Variants in ADAMTSL3 observed in about 807,000 individuals in gnomAD.
ADAMTSL3 encodes ADAMTS like 3.
Under a neutral mutation model 201.7 loss-of-function variants are expected in ADAMTSL3, and 128 were observed. The ratio of observed to expected loss-of-function variants is 0.63; its 90% CI spans 0.55 to 0.73. The LOEUF is 0.73. Among genes scored for constraint, ADAMTSL3 ranks in the 30% least tolerant of loss-of-function variants. ADAMTSL3 has a pLI of 0.00. For missense variants in ADAMTSL3, 1,990 were observed against 2,119.6 expected (o/e 0.94, Z 1.20); for synonymous variants, 738 against 748.4 (o/e 0.99, Z 0.23).
At chr15:83,807,147 T>C (rs2063613337) in intron 5 of ADAMTSL3, among the ~76,000 whole-genome samples, 1 of 152,154 alleles carries the variant, frequency 6.6e-6, no homozygotes, top group Non-Finnish European at 1.5e-5. Flanking sequence ...TAAAAGATCT[T>C]TGCATTAAAA....
chr15:83,668,287 A>T (rs2061276986), intron 2 of ADAMTSL3, among the ~76,000 whole-genome samples: 1 of 123,536 alleles, frequency 8.1e-6, no homozygotes, highest in African/African-American at 3.6e-5. Context: ...AATTAAGGAA[A>T]ACTTTTCTCA....
At chr15:84,016,237 A>C in intron 24 of ADAMTSL3, 146 bp from the exon 25 acceptor site, 1 of 634,930 alleles carries the variant, frequency 1.6e-6, no homozygotes. Context: ...CACCTCCCAG[A>C]CCTGTGGTCA....
chr15:83,850,365 C>T (rs1489655776), intron 7 of ADAMTSL3, among the ~76,000 whole-genome samples: 1 of 151,424 alleles, frequency 6.6e-6, no homozygotes, highest in African/African-American at 2.4e-5. Context: ...GGGTCTCTTC[C>T]CATCTTAAAT....
intron 21 of ADAMTSL3, among the ~76,000 whole-genome samples, chr15:83,987,613 G>T (rs771483097): frequency 6.6e-6 from 1 of 152,154 alleles, no homozygotes; most frequent in Non-Finnish European, 1.5e-5. Context: ...GGACTCAGTG[G>T]GCGGGTCTGA....
intron 7 of ADAMTSL3, among the ~76,000 whole-genome samples, chr15:83,854,379 A>T (rs1157158837): frequency 6.6e-6 from 1 of 152,186 alleles, no homozygotes; most frequent in Non-Finnish European, 1.5e-5. Context: ...AATTCCTGTG[A>T]ATTGATCAGC....
At chr15:83,832,779 A>G (rs1277074809) in intron 6 of ADAMTSL3, among the ~76,000 whole-genome samples, 1 of 152,156 alleles carries the variant, frequency 6.6e-6, no homozygotes, top group East Asian at 1.9e-4. Flanking sequence ...TTAAATGAAC[A>G]TGTCACAGTG....
chr15:83,988,867 T>TTA, intron 22 of ADAMTSL3, 49 bp downstream of exon 22: 1 of 1,048,486 alleles, frequency 9.5e-7, no homozygotes, highest in Non-Finnish European at 1.2e-6. Context: ...TATTTTTTAT[T>TTA]TTTATTTATT....
At chr15:83,930,254 G>A (rs1409596474) in intron 17 of ADAMTSL3, among the ~76,000 whole-genome samples, 1 of 152,104 alleles carries the variant, frequency 6.6e-6, no homozygotes, top group Non-Finnish European at 1.5e-5. Flanking sequence ...GTGCTTTCAG[G>A]TTGCATTTTT....
intron 4 of ADAMTSL3, among the ~76,000 whole-genome samples, chr15:83,778,856 C>T (rs555101702): frequency 6.6e-6 from 1 of 152,162 alleles, no homozygotes; most frequent in African/African-American, 2.4e-5. Context: ...CATTGGTATG[C>T]TTGTCTTCAA....
chr15:83,949,154 GCCCAACTACCCTA>G (rs149244183), intron 19 of ADAMTSL3, among the ~76,000 whole-genome samples: 2,756 of 151,984 alleles, frequency 0.018, 87 homozygotes, highest in African/African-American at 0.063. Flanking sequence ...CCACATCCCT[GCCCAACTACCCTA>G]CCCAGCCTTT....
intron 2 of ADAMTSL3, among the ~76,000 whole-genome samples, chr15:83,694,790 T>C (rs4843152): frequency 0.86 from 130,281 of 152,220 alleles, 56,284 homozygotes; most frequent in East Asian, 0.96. Flanking sequence ...GGGGAGAGGG[T>C]CAACCTGGGC....
At chr15:83,999,944 A>G (rs1339165979) in intron 23 of ADAMTSL3, among the ~76,000 whole-genome samples, 1 of 152,112 alleles carries the variant, frequency 6.6e-6, no homozygotes, top group Non-Finnish European at 1.5e-5. Context: ...ATTCCTAAAC[A>G]TGGTCTCATT....
intron 9 of ADAMTSL3, among the ~76,000 whole-genome samples, chr15:83,875,888 G>T (rs775618128): frequency 6.6e-6 from 1 of 152,198 alleles, no homozygotes; most frequent in Non-Finnish European, 1.5e-5. Context: ...TCTGTAGACT[G>T]GAAAGGAGAA....
intron 3 of ADAMTSL3, among the ~76,000 whole-genome samples, chr15:83,765,820 T>A (rs1045217072): frequency 6.6e-6 from 1 of 152,232 alleles, no homozygotes; most frequent in African/African-American, 2.4e-5. Context: ...GCATACTGCT[T>A]CTTTGGAAGT....
At chr15:83,954,377 G>C (rs1267419960) in intron 19 of ADAMTSL3, among the ~76,000 whole-genome samples, 1 of 151,996 alleles carries the variant, frequency 6.6e-6, no homozygotes, top group Non-Finnish European at 1.5e-5. Context: ...ATTTCTGCTT[G>C]ATTTTAAAAA....
At chr15:83,718,195 A>G (rs2062045881) in intron 3 of ADAMTSL3, among the ~76,000 whole-genome samples, 2 of 152,206 alleles carry the variant, frequency 1.3e-5, no homozygotes. Flanking sequence ...GCAGTGATCT[A>G]GTGCCCAGGT....
At chr15:83,737,949 G>A (rs1038647124) in intron 3 of ADAMTSL3, among the ~76,000 whole-genome samples, 7 of 152,092 alleles carry the variant, frequency 4.6e-5, no homozygotes, top group African/African-American at 1.7e-4. Context: ...TGAGAAAAAC[G>A]AATTTTAATT....
intron 3 of ADAMTSL3, among the ~76,000 whole-genome samples, chr15:83,752,903 A>G (rs1050398542): frequency 1.3e-5 from 2 of 152,160 alleles, no homozygotes; most frequent in African/African-American, 4.8e-5. Context: ...TCTCTCATCC[A>G]TCAAGATTCA....
chr15:83,843,985 G>A (rs1284736950), intron 7 of ADAMTSL3, among the ~76,000 whole-genome samples: 1 of 152,194 alleles, frequency 6.6e-6, no homozygotes, highest in Non-Finnish European at 1.5e-5. Flanking sequence ...AAGAGAGAAA[G>A]CTGTAAAAAC....
Sources: gnomAD v4.1 joint callset for allele counts (sites outside exome capture counted in the v4.1 genomes callset) on GRCh38, gnomAD v4.1.1 for gene constraint, MANE v1.5 for transcripts, NCBI Gene and HGNC (gene_info 2026-07-23, HGNC 2026-07-21) for gene names.